The following KLRG1 variants were observed in gnomAD, a reference collection of about 807,000 sequenced individuals.
The protein encoded by KLRG1 is killer cell lectin like receptor G1.
Under a neutral mutation model 21.8 loss-of-function variants are expected in KLRG1, and 16 were observed. The ratio of observed to expected loss-of-function variants is 0.73; its 90% CI spans 0.50 to 1.11. KLRG1 has a LOEUF of 1.11. Among genes scored for constraint, KLRG1 ranks in the 50% most tolerant of loss-of-function variants. The pLI is 0.00. For synonymous variants in KLRG1, 69 were observed against 75.9 expected (o/e 0.91, Z 0.47); for missense variants, 173 against 218.3 (o/e 0.79, Z 1.31).
chr12:9,067,306 G>A, the KLRG1 span: 5 of 161,036 alleles, frequency 3.1e-5, no homozygotes, highest in East Asian at 8.8e-4. Context: ...AGATTTTGGT[G>A]TAACATAGGA....
In KLRG1 at chr12:9,010,102, C is replaced by A; in HGVS notation, c.*565C>A. 8.0e-7 allele frequency: 1 copy of A among 1,254,414 alleles called. No individual in the cohort carries two copies. The highest frequency in any genetic ancestry group is 1.1e-6 in the Non-Finnish European group (1 of 894,924). The allele number at this position is 1,254,414 out of a possible 1,614,324, so 77.7% of individuals were successfully genotyped here. Reference sequence around the variant, plus strand: ...TTGGGAAGCTGAGGTGGGAGGGTCGCTTGAGCCCAGGAGTTTGAGGCTGCA... The same window carrying A: ...TTGGGAAGCTGAGGTGGGAGGGTCGATTGAGCCCAGGAGTTTGAGGCTGCA... On this transcript the variant is annotated 3_prime_UTR_variant, in exon 5 of 5. Transcript: ENST00000356986.
chr12:8,978,686 TTCTTTTTC>T (rs1372736856), intron 1 of KLRG1, among the ~76,000 whole-genome samples: 4 of 149,536 alleles, frequency 2.7e-5, no homozygotes, highest in African/African-American at 9.9e-5. Flanking sequence ...CTTTCTTTCT[TTCTTTTTC>T]TTTCTTTTCT....
intron 1 of KLRG1, among the ~76,000 whole-genome samples, chr12:8,974,249 G>C (rs1439169935): frequency 6.6e-6 from 1 of 151,412 alleles, no homozygotes; most frequent in Non-Finnish European, 1.5e-5. Context: ...CTCACTGCAA[G>C]CTCCGCCTCC....
At chr12:9,154,555 C>A in the KLRG1 span, 136 of 1,476,744 alleles carry the variant, frequency 9.2e-5, no homozygotes, top group African/African-American at 1.8e-3. Context: ...AACTGTTCTA[C>A]TTTTAAGCCT....
the KLRG1 span, among the ~76,000 whole-genome samples, chr12:9,075,136 T>C: frequency 6.6e-6 from 1 of 152,170 alleles, no homozygotes; most frequent in Non-Finnish European, 1.5e-5. Flanking sequence ...TCCTATAAAG[T>C]GTGTCTTTAT....
the KLRG1 span, chr12:9,154,787 A>G: frequency 6.2e-7 from 1 of 1,613,998 alleles, no homozygotes; most frequent in Non-Finnish European, 8.5e-7. Flanking sequence ...TTTGGTAAAG[A>G]TGCCCCACTG....
At chr12:9,106,275 C>T in the KLRG1 span, 1 of 1,613,438 alleles carries the variant, frequency 6.2e-7, no homozygotes. Flanking sequence ...AGTGTGAGTC[C>T]ACTTTCACAA....
chr12:9,004,840 AGTT>A (rs1468577603), intron 3 of KLRG1, among the ~76,000 whole-genome samples: 5 of 151,996 alleles, frequency 3.3e-5, no homozygotes, highest in Non-Finnish European at 7.4e-5. Context: ...GGTAGTCAAG[AGTT>A]GTTGCTATTA....
the KLRG1 span, among the ~76,000 whole-genome samples, chr12:9,063,296 T>C: frequency 2.8e-4 from 42 of 152,350 alleles, no homozygotes; most frequent in African/African-American, 9.1e-4. Flanking sequence ...CAACCCAGTA[T>C]TCTCTGAGGC....
chr12:9,091,065 C>T, the KLRG1 span: 75 of 1,177,662 alleles, frequency 6.4e-5, no homozygotes, highest in Non-Finnish European at 8.7e-5. Flanking sequence ...TTGGAGATCT[C>T]AAAACCTGTA....
At chr12:9,202,555 C>A in the KLRG1 span, 1 of 1,614,124 alleles carries the variant, frequency 6.2e-7, no homozygotes, top group African/African-American at 1.3e-5. Context: ...ATGGGTTTGT[C>A]TGTCTGGACA....
the KLRG1 span, among the ~76,000 whole-genome samples, chr12:9,140,195 C>G: frequency 6.6e-6 from 1 of 152,188 alleles, no homozygotes; most frequent in Non-Finnish European, 1.5e-5. Context: ...GGCCATGATC[C>G]TGTCAGTTAA....
chr12:9,115,816 C>T, the KLRG1 span: 1 of 1,613,460 alleles, frequency 6.2e-7, no homozygotes, highest in Non-Finnish European at 8.5e-7. Context: ...AGGAGAAGAA[C>T]CAGACTTGGA....
chr12:9,079,339 G>C, the KLRG1 span: 1 of 1,612,836 alleles, frequency 6.2e-7, no homozygotes, highest in Non-Finnish European at 8.5e-7. Context: ...AACCTGGAAA[G>C]GAAGATTAAC....
chr12:8,956,156 G>A (rs972020724), intron 1 of KLRG1, among the ~76,000 whole-genome samples: 1 of 152,200 alleles, frequency 6.6e-6, no homozygotes, highest in African/African-American at 2.4e-5. Flanking sequence ...CTCGGGACCT[G>A]CCGAACAGCG....
At chr12:9,040,060 A>C in the KLRG1 span, among the ~76,000 whole-genome samples, 7 of 152,360 alleles carry the variant, frequency 4.6e-5, no homozygotes, top group African/African-American at 1.4e-4. Context: ...AGACTGAGAA[A>C]AACTTCAGAT....
At chr12:9,081,515 G>C in the KLRG1 span, among the ~76,000 whole-genome samples, 13 of 152,304 alleles carry the variant, frequency 8.5e-5, no homozygotes, top group South Asian at 2.7e-3. Flanking sequence ...GCTATCCACA[G>C]ATCAGAAAAT....
chr12:9,154,832 G>A, the KLRG1 span: 14 of 1,613,634 alleles, frequency 8.7e-6, no homozygotes, highest in Admixed American at 6.7e-5. Flanking sequence ...CCCAATGGAC[G>A]AGGTTGTCTT....
At chr12:9,169,088 G>C in the KLRG1 span, 1 of 692,650 alleles carries the variant, frequency 1.4e-6, no homozygotes, top group East Asian at 2.8e-5. Context: ...ATTCTATGGC[G>C]AAACACTTGA....
Sources: allele counts gnomAD v4.1 joint callset (sites outside exome capture counted in the v4.1 genomes callset), GRCh38; gene constraint gnomAD v4.1.1; transcripts MANE v1.5; gene names NCBI Gene and HGNC (gene_info 2026-07-23, HGNC 2026-07-21).